Variants in GAS2L3 observed in about 807,000 individuals in gnomAD.
GAS2L3 encodes the protein growth arrest specific 2 like 3, also known as GAS2-like protein 3.
GAS2L3 carries 28 observed loss-of-function variants against 37.0 expected under a neutral mutation model. That is an observed-to-expected ratio of 0.76 (90% CI 0.56 to 1.04). The LOEUF (loss-of-function observed/expected upper bound fraction) is 1.04. Ranked by LOEUF, GAS2L3 falls within the 50% of genes least tolerant of loss-of-function variation. The pLI is 0.00. For missense variants in GAS2L3, 793 were observed against 817.6 expected, an observed-to-expected ratio of 0.97 and a Z score of 0.37; for synonymous variants, 290 against 296.6, an observed-to-expected ratio of 0.98 and a Z score of 0.23.
chr12:100,609,636 T>A (rs1593180818), intron 5 of GAS2L3, among the ~76,000 whole-genome samples: 1 of 152,348 alleles, frequency 6.6e-6, no homozygotes, highest in East Asian at 1.9e-4. Context: ...CTTGGAATTC[T>A]TGTGGCCTAG....
rs770449052 is a variant in GAS2L3 at position 100,623,646 on chromosome 12, C to T, written c.841C>T (p.Arg281Ter). The change falls in exon 10 of 10, where the codon CGA (arginine) becomes TGA (stop). Residue 281 changes from arginine to a stop codon, truncating the protein, a stop_gained. Transcript: ENST00000547754. LOFTEE classifies it low-confidence loss of function (END_TRUNC). ...ATTTTTGCTTAAATATGACCCCTGT[C>T]GAATATTACAGTTTGCCACATTAGA... Reference protein sequence around the residue: ...QGFLLKYDPCRILQFATLEQK... With the variant: ...QGFLLKYDPC 2.9e-5 allele frequency: 47 copies of T among 1,613,472 alleles called. No homozygotes were observed. The highest frequency in any genetic ancestry group is 3.6e-5 in the Non-Finnish European group (42 of 1,179,686).
chr12:100,606,038 CTT>C (rs779785046), intron 5 of GAS2L3, among the ~76,000 whole-genome samples: 1 of 151,822 alleles, frequency 6.6e-6, no homozygotes, highest in Admixed American at 6.6e-5. Flanking sequence ...TCTGATGTGT[CTT>C]TTTTGATTTT....
chr12:100,594,338 T>C (rs917173438), intron 2 of GAS2L3, among the ~76,000 whole-genome samples: 3 of 151,996 alleles, frequency 2.0e-5, no homozygotes, highest in African/African-American at 7.2e-5. Flanking sequence ...CTTTGGGAAA[T>C]TATTATGGGG....
At position 100,617,890 on chromosome 12, in the gene GAS2L3, A is replaced by G. The variant is rs990317476; in HGVS notation, c.509+83A>G. 8 of 769,480 alleles carry G rather than the reference A, an allele frequency of 1.0e-5. No individual in the cohort carries two copies. In the Admixed American group the frequency reaches 1.7e-4, roughly 16 times the overall value. The allele number at this position is 769,480 out of a possible 1,614,324, so 47.7% of individuals were successfully genotyped here. A position where few individuals can be genotyped will look rare whatever the true frequency, so the allele number is the denominator to read the frequency against. On this transcript the variant is annotated intron_variant, in intron 7 of 9. Coordinates refer to ENST00000547754, the MANE Select transcript of GAS2L3 (RefSeq NM_174942.3). ...ATTTTAGTTTAGAACACTATTTTCT[A>G]TAAATAAAAAAATGCTTTAAATGAA...
At position 100,612,041 on chromosome 12, in the gene GAS2L3, A is replaced by G. The variant is rs372700126; in HGVS notation, c.345A>G (p.Ala115=). 18 of 1,611,336 alleles carry G rather than the reference A, an allele frequency of 1.1e-5. No individual in the cohort carries two copies. The highest frequency in any genetic ancestry group is 1.7e-5 in the Admixed American group (1 of 59,988). The change falls in exon 6 of 10, where the codon GCA becomes GCG. Residue 115 remains alanine, a synonymous_variant. Coordinates refer to ENST00000547754, the MANE Select transcript of GAS2L3 (RefSeq NM_174942.3). The stretch of plus-strand genomic sequence containing the variant: ...AAGTGCCCTGTAAGAAAGATGCTGC[A>G]TCAGGTTCATTCTTTGCTCGGGACA... ...MRKVPCKKDA[A]SGSFFARDNT... is the part of the protein sequence containing the mutation.
At chr12:100,616,096 A>C (rs1227543306) in intron 6 of GAS2L3, among the ~76,000 whole-genome samples, 2 of 152,334 alleles carry the variant, frequency 1.3e-5, no homozygotes, top group South Asian at 4.1e-4. Flanking sequence ...TATCTTAACA[A>C]GTTGTCTTCC....
rs575197675 is a variant in GAS2L3, at chr12:100,624,397, C to T, written c.1592C>T (p.Thr531Met). ...MTKTSSKTIA[T>M]GLGTQSQPSD... ...AAAACCAGTTCCAAAACCATAGCCA[C>T]GGGTCTAGGAACACAGTCTCAACCA... Residue 531 changes from threonine to methionine, a missense_variant, in exon 10 of 10, where the codon ACG becomes ATG. Physicochemically the swap from Thr to Met is moderately conservative, Grantham distance 81. Transcript: ENST00000547754. 5 of 1,613,994 alleles carry T rather than the reference C, an allele frequency of 3.1e-6. No homozygotes were observed. Among genetic ancestry groups the T allele is most frequent in the South Asian group, 1.1e-5 (1 of 91,080 alleles).
intron 5 of GAS2L3, 79 bp from the exon 6 acceptor site, chr12:100,611,921 T>G: frequency 1.1e-6 from 1 of 947,004 alleles, no homozygotes; most frequent in East Asian, 2.4e-5. Flanking sequence ...GATTGAACAT[T>G]TATTTAGCAA....
At chr12:100,599,187 A>G (rs1347282711) in intron 3 of GAS2L3, among the ~76,000 whole-genome samples, 6 of 152,166 alleles carry the variant, frequency 3.9e-5, no homozygotes, top group Non-Finnish European at 4.4e-5. Context: ...GTTGTTCAGT[A>G]AGGAGAAGGA....
chr12:100,580,011 A>C, intron 1 of GAS2L3: 1 of 1,315,410 alleles, frequency 7.6e-7, no homozygotes, highest in South Asian at 1.2e-5. Flanking sequence ...TGGACCAGTA[A>C]CAGGCTACAT....
At chr12:100,614,304 A>T (rs1485707468) in intron 6 of GAS2L3, among the ~76,000 whole-genome samples, 2 of 151,992 alleles carry the variant, frequency 1.3e-5, no homozygotes, top group Non-Finnish European at 2.9e-5. Flanking sequence ...TCTCTACAAA[A>T]ATACAAAAAT....
chr12:100,583,591 C>G (rs949111332), intron 1 of GAS2L3, among the ~76,000 whole-genome samples: 3 of 152,184 alleles, frequency 2.0e-5, no homozygotes, highest in African/African-American at 7.2e-5. Context: ...CCTGTCTCAG[C>G]CTCCCTAGTA....
intron 8 of GAS2L3, among the ~76,000 whole-genome samples, chr12:100,620,234 A>G (rs1021761814): frequency 2.0e-5 from 3 of 152,050 alleles, no homozygotes; most frequent in Non-Finnish European, 4.4e-5. Context: ...TAATCTTAAC[A>G]GGATAATCAT....
At chr12:100,621,003 C>G (rs1956245687) in intron 8 of GAS2L3, among the ~76,000 whole-genome samples, 1 of 152,050 alleles carries the variant, frequency 6.6e-6, no homozygotes, top group African/African-American at 2.4e-5. Context: ...TGTTTATACG[C>G]ACGTTATTTT....
chr12:100,588,734 A>G (rs545438148), intron 1 of GAS2L3, among the ~76,000 whole-genome samples: 19 of 152,258 alleles, frequency 1.2e-4, no homozygotes, highest in African/African-American at 4.3e-4. Context: ...GCAGCCATTT[A>G]TAGACCTCCC....
Position 100,626,345 on chromosome 12 carries a change from T to C in GAS2L3, c.*1455T>C, listed in dbSNP as rs938559319. On this transcript the variant is annotated 3_prime_UTR_variant, in exon 10 of 10. Transcript: ENST00000547754. Reference sequence around the variant, plus strand: ...CTATGAAGATAAATGACCTTTTGCCTGAAGAGTACAGATAAAATCAAAGAT... The same window carrying C: ...CTATGAAGATAAATGACCTTTTGCCCGAAGAGTACAGATAAAATCAAAGAT... The C allele has an allele frequency of 6.6e-6, 1 of 152,162 alleles. No individual in the cohort carries two copies. Among genetic ancestry groups the C allele is most frequent in the African/African-American group, 2.4e-5 (1 of 41,394 alleles). The allele number at this position is 152,162 out of a possible 1,614,324, so 9.4% of individuals were successfully genotyped here. A position where few individuals can be genotyped will look rare whatever the true frequency, so the allele number is the denominator to read the frequency against.
chr12:100,580,415 G>A (rs1266626586), intron 1 of GAS2L3, among the ~76,000 whole-genome samples: 1 of 152,082 alleles, frequency 6.6e-6, no homozygotes, highest in African/African-American at 2.4e-5. Flanking sequence ...TTAAAATTTA[G>A]AAGAGAACAT....
chr12:100,576,360 AT>A (rs1955637088), intron 1 of GAS2L3, among the ~76,000 whole-genome samples: 1 of 152,192 alleles, frequency 6.6e-6, no homozygotes, highest in Admixed American at 6.5e-5. Flanking sequence ...AAAGTAAGAG[AT>A]TAAACTTAAT....
intron 5 of GAS2L3, among the ~76,000 whole-genome samples, chr12:100,607,166 C>T (rs945174673): frequency 2.0e-5 from 3 of 152,052 alleles, no homozygotes; most frequent in African/African-American, 7.2e-5. Flanking sequence ...TTTATTTCTC[C>T]TTCATGCTTA....
Sources: allele counts gnomAD v4.1 joint callset (sites outside exome capture counted in the v4.1 genomes callset), GRCh38; gene constraint gnomAD v4.1.1; transcripts MANE v1.5; gene names NCBI Gene and HGNC (gene_info 2026-07-23, HGNC 2026-07-21).